The following COL5A2 variants were observed in gnomAD, a reference collection of about 807,000 sequenced individuals.
COL5A2 encodes collagen type V alpha 2 chain, also known as collagen alpha-2(V) chain.
In COL5A2, 23 loss-of-function variants were observed where a neutral mutation model predicts 208.2. The ratio of observed to expected loss-of-function variants is 0.11; its 90% CI spans 0.08 to 0.16. COL5A2 has a LOEUF of 0.16. COL5A2 is among the 10% of genes least tolerant of loss of function. COL5A2 has a pLI of 1.00. For missense variants in COL5A2, 1,590 were observed against 1,956.4 expected (o/e 0.81, Z 3.53); for synonymous variants, 625 against 628.5 (o/e 0.99, Z 0.08).
intron 18 of COL5A2, among the ~76,000 whole-genome samples, chr2:189,070,047 GC>G (rs1301425065): frequency 2.0e-5 from 3 of 152,248 alleles, no homozygotes; most frequent in Admixed American, 1.3e-4. Flanking sequence ...TTTATTTCAA[GC>G]CAAGATAGTG....
chr2:189,372,478 C>T, the COL5A2 span, among the ~76,000 whole-genome samples: 2 of 151,996 alleles, frequency 1.3e-5, no homozygotes, highest in East Asian at 3.9e-4. Flanking sequence ...GTTTTTTAAA[C>T]TGTCTAATAT....
the COL5A2 span, among the ~76,000 whole-genome samples, chr2:189,440,662 T>C: frequency 6.6e-6 from 1 of 152,190 alleles, no homozygotes; most frequent in Non-Finnish European, 1.5e-5. Flanking sequence ...GGTCCAAGAA[T>C]ATGATACGTG....
chr2:189,035,026 G>C lies in COL5A2; in HGVS notation c.4243C>G (p.Gln1415Glu). The part of the protein sequence containing the change: ...CKNSVGYMDD[Q>E]AKNLKKAVVL... ...ACAGCTTTTTTGAGGTTCTTAGCTT[G>C]ATCGTCCATGTATCCTACACTGTTT... is the stretch of plus-strand genomic sequence containing the variant. The change falls in exon 53 of 54, where the codon CAA (glutamine) becomes GAA (glutamate). Residue 1415 changes from glutamine to glutamate, a missense_variant. By Grantham distance (29) the Gln-to-Glu change is conservative (BLOSUM62 2). Transcript: ENST00000374866. 6.2e-7 allele frequency: 1 copy of C among 1,613,846 alleles called. No homozygotes were observed. Among genetic ancestry groups the C allele is most frequent in the East Asian group, 2.2e-5 (1 of 44,834 alleles).
At chr2:189,367,041 GA>G in the COL5A2 span, among the ~76,000 whole-genome samples, 1 of 152,084 alleles carries the variant, frequency 6.6e-6, no homozygotes, top group African/African-American at 2.4e-5. Context: ...TAGCGCATAG[GA>G]AAACAACTGT....
At chr2:189,291,891 C>T in the COL5A2 span, among the ~76,000 whole-genome samples, 1 of 151,854 alleles carries the variant, frequency 6.6e-6, no homozygotes, top group African/African-American at 2.4e-5. Flanking sequence ...TTTGATGTAT[C>T]TTCTATAGAA....
At position 189,058,497 on chromosome 2, in the gene COL5A2, C is replaced by T. The variant is rs775227087; in HGVS notation, c.2161G>A (p.Glu721Lys). 5 of 1,613,966 alleles carry T rather than the reference C, an allele frequency of 3.1e-6. No homozygotes were observed. The highest frequency in any genetic ancestry group is 1.1e-5 in the South Asian group (1 of 91,076). The change falls in exon 33 of 54, where the codon GAA becomes AAA. Residue 721 changes from glutamate to lysine, a missense_variant. By Grantham distance (56) the Glu-to-Lys change is moderately conservative. Transcript: ENST00000374866. The stretch of plus-strand genomic sequence containing the variant: ...CCAGGGAGTCCAGTTATCCCAGGTT[C>T]TCCTCTTTCCCCAGGATTTCCTCGT... ...GERGNPGERG[E>K]PGITGLPGEK...
intron 4 of COL5A2, among the ~76,000 whole-genome samples, chr2:189,099,275 A>G (rs1331363691): frequency 6.6e-6 from 1 of 152,172 alleles, no homozygotes; most frequent in African/African-American, 2.4e-5. Context: ...CGTTAAAAAA[A>G]CAAGCCAATT....
the COL5A2 span, among the ~76,000 whole-genome samples, chr2:189,381,761 A>C: frequency 6.6e-6 from 1 of 152,096 alleles, no homozygotes; most frequent in Non-Finnish European, 1.5e-5. Context: ...ATAAAATTGT[A>C]TTTCTTCTAT....
Position 189,075,390 on chromosome 2 carries a change from C to T in COL5A2, c.1104+3G>A, listed in dbSNP as rs768219898. On this transcript the variant is annotated splice_donor_region_variant and intron_variant, in intron 17 of 53. Coordinates refer to ENST00000374866, the MANE Select transcript of COL5A2 (RefSeq NM_000393.5). ...GAATTAATATGAAAATAATATAACT[C>T]ACCATTGGTCCAGGTTTTCCAGGCA... 1.3e-6 allele frequency: 2 copies of T among 1,589,654 alleles called. No homozygotes were observed. The highest frequency in any genetic ancestry group is 1.1e-5 in the South Asian group (1 of 90,368).
chr2:189,368,247 G>C, the COL5A2 span, among the ~76,000 whole-genome samples: 1 of 152,084 alleles, frequency 6.6e-6, no homozygotes, highest in Non-Finnish European at 1.5e-5. Flanking sequence ...TTGCAGTCTA[G>C]AAACATACCT....
At chr2:189,184,222 G>A (rs1688818573), upstream of COL5A2, among the ~76,000 whole-genome samples, 1 of 152,010 alleles carries the variant, frequency 6.6e-6, no homozygotes, top group Admixed American at 6.6e-5. Context: ...AGTGCCATTG[G>A]GAAAGATGGC....
the COL5A2 span, among the ~76,000 whole-genome samples, chr2:189,328,197 C>T: frequency 6.6e-6 from 1 of 152,124 alleles, no homozygotes; most frequent in South Asian, 2.1e-4. Context: ...GTTTCACTTC[C>T]CATGCCAAGA....
chr2:189,169,570 T>A (rs1331826947), intron 1 of COL5A2, among the ~76,000 whole-genome samples: 1 of 152,182 alleles, frequency 6.6e-6, no homozygotes, highest in African/African-American at 2.4e-5. Context: ...CATAGTAGAA[T>A]AAAATATAAA....
intron 1 of COL5A2, among the ~76,000 whole-genome samples, chr2:189,138,275 G>T (rs566897086): frequency 6.6e-6 from 1 of 151,624 alleles, no homozygotes; most frequent in African/African-American, 2.4e-5. Context: ...CACCCGGCCC[G>T]GTATATTTTT....
At chr2:189,101,628 A>T (rs73978877) in intron 3 of COL5A2, among the ~76,000 whole-genome samples, 3,695 of 152,206 alleles carry the variant, frequency 0.024, 100 homozygotes, top group South Asian at 0.079. Flanking sequence ...ACTACTAAAG[A>T]TACAATCTAC....
the COL5A2 span, among the ~76,000 whole-genome samples, chr2:189,401,736 G>A: frequency 1.3e-5 from 2 of 152,050 alleles, no homozygotes; most frequent in African/African-American, 4.8e-5. Context: ...GTTGTCTTTT[G>A]ACTTTTTAAT....
chr2:189,340,879 C>T, the COL5A2 span, among the ~76,000 whole-genome samples: 42 of 152,068 alleles, frequency 2.8e-4, no homozygotes, highest in Admixed American at 9.2e-4. Flanking sequence ...TTTCCAAAGA[C>T]GTTTAAAGCC....
At chr2:189,185,183 C>T (rs1688835194) in intron 1 of COL5A2, among the ~76,000 whole-genome samples, 1 of 152,142 alleles carries the variant, frequency 6.6e-6, no homozygotes, top group Non-Finnish European at 1.5e-5. Context: ...ACCACTACGC[C>T]TGGCTAATTT....
chr2:189,085,716 T>C lies in COL5A2; in HGVS notation c.744+3A>G. On this transcript the variant is annotated splice_donor_region_variant and intron_variant, in intron 10 of 53. Transcript: ENST00000374866. ...TGGGTCTACATGCTTACTTGACATT[T>C]ACCATTGGTCCAGGATCACCAGGTT... The C allele has an allele frequency of 6.2e-7, 1 of 1,613,024 alleles. No homozygotes were observed. The highest frequency in any genetic ancestry group is 8.5e-7 in the Non-Finnish European group (1 of 1,179,126).
Sources: allele counts gnomAD v4.1 joint callset (sites outside exome capture counted in the v4.1 genomes callset), GRCh38; gene constraint gnomAD v4.1.1; transcripts MANE v1.5; gene names NCBI Gene and HGNC (gene_info 2026-07-23, HGNC 2026-07-21).